The following SMAD3 variants were observed in gnomAD, a reference collection of about 807,000 sequenced individuals.
The protein encoded by SMAD3 is MAD homolog 3.
In SMAD3, 12 loss-of-function variants were observed where a neutral mutation model predicts 51.8. The observed-to-expected ratio is 0.23, with a 90% CI of 0.15 to 0.38. The LOEUF is 0.38. Ranked by LOEUF, SMAD3 falls within the 10% of genes least tolerant of loss-of-function variation. SMAD3 has a pLI of 1.00. For synonymous variants in SMAD3, 238 were observed against 227.7 expected (o/e 1.05, Z -0.41); for missense variants, 294 against 565.6 (o/e 0.52, Z 4.87).
chr15:67,130,597 A>G (rs55825142), intron 1 of SMAD3, among the ~76,000 whole-genome samples: 3,818 of 152,286 alleles, frequency 0.025, 61 homozygotes, highest in Non-Finnish European at 0.039. Context: ...ATCCCCCCCA[A>G]CCCTCATCTC....
intron 1 of SMAD3, chr15:67,146,127 T>C (rs1356133334): frequency 1.3e-5 from 2 of 152,176 alleles, no homozygotes; most frequent in African/African-American, 2.4e-5. Context: ...GTAAAACTAG[T>C]TGTGGAAAGA....
At chr15:67,100,272 A>G (rs987451592) in intron 1 of SMAD3, among the ~76,000 whole-genome samples, 3 of 152,256 alleles carry the variant, frequency 2.0e-5, no homozygotes, top group Non-Finnish European at 2.9e-5. Flanking sequence ...TCAGACATCA[A>G]AAGCCACATA....
intron 1 of SMAD3, among the ~76,000 whole-genome samples, chr15:67,150,798 CT>C (rs774186264): frequency 0.013 from 444 of 35,512 alleles, 8 homozygotes; most frequent in African/African-American, 0.045. Flanking sequence ...CCATGTCCTG[CT>C]TTTTTTTTTT....
rs1219256387 is a variant in SMAD3, at chr15:67,193,381, TC to T, written c.*2847del. ...AGTGCAGCTAGCACTGGGACACAGA[TC>T]CTTGTCTTCAGCACCTTCCAAGGAG... is the stretch of plus-strand genomic sequence containing the variant. On this transcript the variant is annotated 3_prime_UTR_variant, in exon 9 of 9. Coordinates refer to ENST00000327367, the MANE Select transcript of SMAD3 (RefSeq NM_005902.4). The T allele has an allele frequency of 8.6e-6, 2 of 233,544 alleles. No homozygotes were observed. Among genetic ancestry groups the T allele is most frequent in the African/African-American group, 4.4e-5 (2 of 45,360 alleles). 14.5% of individuals were successfully genotyped at this position (233,544 alleles called of 1,614,324 possible). A position where few individuals can be genotyped will look rare whatever the true frequency, so the allele number is the denominator to read the frequency against.
At chr15:67,167,533 T>C (rs1481374954) in intron 4 of SMAD3, among the ~76,000 whole-genome samples, 30 of 151,868 alleles carry the variant, frequency 2.0e-4, no homozygotes, top group Non-Finnish European at 2.9e-5. Flanking sequence ...GGGTAGAGAG[T>C]GGCCTTGATC....
At chr15:67,141,042 C>T (rs1210051176) in intron 1 of SMAD3, among the ~76,000 whole-genome samples, 1 of 152,166 alleles carries the variant, frequency 6.6e-6, no homozygotes, top group Non-Finnish European at 1.5e-5. Context: ...GCAGGCCAAG[C>T]ACAACATCTG....
chr15:67,090,037 C>T (rs888592264), intron 1 of SMAD3, among the ~76,000 whole-genome samples: 3 of 152,166 alleles, frequency 2.0e-5, no homozygotes, highest in African/African-American at 7.2e-5. Flanking sequence ...GAGGGCTGCC[C>T]CCGCATGGGA....
In SMAD3 at chr15:67,192,764, G is replaced by GA. The variant is rs573496525; in HGVS notation, c.*2237dup. On this transcript the variant is annotated 3_prime_UTR_variant, in exon 9 of 9. Transcript: ENST00000327367. ...TCGTGTCTTACTCCAGGTGAAGGGGGAAAAAAAAAGCCTATACTTTGGCAG... is the reference window on the plus strand; with the variant it reads ...TCGTGTCTTACTCCAGGTGAAGGGGGAAAAAAAAAAGCCTATACTTTGGCAG... The GA allele has an allele frequency of 2.6e-4, 60 of 227,908 alleles. No homozygotes were observed. Among genetic ancestry groups the GA allele is most frequent in the East Asian group, 1.2e-3 (19 of 16,432 alleles). The allele number at this position is 227,908 out of a possible 1,614,324, so 14.1% of individuals were successfully genotyped here. A position where few individuals can be genotyped will look rare whatever the true frequency, so the allele number is the denominator to read the frequency against.
intron 8 of SMAD3, among the ~76,000 whole-genome samples, chr15:67,188,148 C>T (rs535865582): frequency 1.8e-4 from 21 of 115,974 alleles, no homozygotes; most frequent in African/African-American, 3.9e-4. Context: ...TTTTCTTTTT[C>T]TTTTTTTTTT....
rs190748770 is a variant in SMAD3 at position 67,101,254 on chromosome 15, A to G, written c.206+34894A>G. Reference sequence around the variant, plus strand: ...TTCTTCTTTTCTTCTCTTTTTGACTATGAACACCTGACACTACAGGAAATA... The same window carrying G: ...TTCTTCTTTTCTTCTCTTTTTGACTGTGAACACCTGACACTACAGGAAATA... On this transcript the variant is annotated intron_variant, in intron 1 of 8. Transcript: ENST00000327367. Among the ~76,000 whole-genome samples the G allele has an allele frequency of 3.3e-5, 5 of 152,246 alleles. 1 individual carries two copies. The highest frequency in any genetic ancestry group is 1.3e-4 in the Admixed American group (2 of 15,300).
chr15:67,155,430 A>G (rs546626743), intron 1 of SMAD3, among the ~76,000 whole-genome samples: 1 of 152,166 alleles, frequency 6.6e-6, no homozygotes, highest in Non-Finnish European at 1.5e-5. Flanking sequence ...GGGGCGGTCC[A>G]TTGCATGGAA....
At chr15:67,148,144 C>T (rs1962030083) in intron 1 of SMAD3, among the ~76,000 whole-genome samples, 2 of 152,178 alleles carry the variant, frequency 1.3e-5, no homozygotes, top group Admixed American at 1.3e-4. Flanking sequence ...TAAGCCACTT[C>T]CCCCTGCAAA....
chr15:67,108,535 T>TC (rs1175410146), intron 1 of SMAD3, among the ~76,000 whole-genome samples: 2 of 152,104 alleles, frequency 1.3e-5, no homozygotes, highest in Non-Finnish European at 2.9e-5. Context: ...TGCAAATGTG[T>TC]CCCCCCAGCT....
At chr15:67,086,642 G>A (rs1346252864) in intron 1 of SMAD3, among the ~76,000 whole-genome samples, 1 of 152,182 alleles carries the variant, frequency 6.6e-6, no homozygotes, top group Non-Finnish European at 1.5e-5. Context: ...ACACATGCCA[G>A]ATGTAGGTTG....
At chr15:67,170,407 G>A in intron 4 of SMAD3, 147 bp from the exon 5 acceptor site, 1 of 711,734 alleles carries the variant, frequency 1.4e-6, no homozygotes, top group Non-Finnish European at 2.5e-6. Context: ...GCAAGGGTAT[G>A]GGCTAGGCCT....
At chr15:67,131,563 G>C (rs1961526533) in intron 1 of SMAD3, among the ~76,000 whole-genome samples, 1 of 152,204 alleles carries the variant, frequency 6.6e-6, no homozygotes, top group Non-Finnish European at 1.5e-5. Flanking sequence ...GTTTGCTCCA[G>C]GGATTCCTCC....
At chr15:67,075,634 G>T (rs2899722) in intron 1 of SMAD3, among the ~76,000 whole-genome samples, 61,586 of 152,010 alleles carry the variant, frequency 0.41, 12,871 homozygotes, top group South Asian at 0.58. Context: ...AACCCAAGTG[G>T]CCGGGCACGG....
chr15:67,173,056 G>T (rs1422799257), intron 5 of SMAD3, among the ~76,000 whole-genome samples: 1 of 152,176 alleles, frequency 6.6e-6, no homozygotes, highest in African/African-American at 2.4e-5. Context: ...GATCAATAAG[G>T]CAGGACCAAA....
intron 6 of SMAD3, 126 bp from the exon 7 acceptor site, chr15:67,184,601 C>T (rs1252878615): frequency 3.3e-6 from 4 of 1,208,020 alleles, no homozygotes; most frequent in Non-Finnish European, 4.8e-6. Context: ...GGCCCGTTTG[C>T]CTGGGGAAGC....
Sources: gnomAD v4.1 joint callset for allele counts (sites outside exome capture counted in the v4.1 genomes callset) on GRCh38, gnomAD v4.1.1 for gene constraint, MANE v1.5 for transcripts, NCBI Gene and HGNC (gene_info 2026-07-23, HGNC 2026-07-21) for gene names.